HJV: variants seen among roughly 807,000 people sequenced by gnomAD.
HJV encodes hemojuvelin BMP co-receptor.
Under a neutral mutation model 22.7 loss-of-function variants are expected in HJV, and 18 were observed. The ratio of observed to expected loss-of-function variants is 0.79; its 90% CI spans 0.55 to 1.18. The LOEUF (loss-of-function observed/expected upper bound fraction) is 1.18. HJV is among the 50% of genes most tolerant of loss of function. The probability of loss-of-function intolerance (pLI) is 0.00; values close to 1 mark genes in which losing one functional copy is unlikely to be tolerated. For missense variants in HJV, 572 were observed against 553.0 expected, an observed-to-expected ratio of 1.03 and a Z score of -0.34; for synonymous variants, 229 against 222.7, an observed-to-expected ratio of 1.03 and a Z score of -0.25.
intron 2 of HJV, 120 bp from the exon 3 acceptor site, chr1:146,019,854 T>C: frequency 6.6e-7 from 1 of 1,511,966 alleles, no homozygotes; most frequent in South Asian, 1.2e-5. Context: ...AAAACCTAAC[T>C]AAGGGCCTTC....
At chr1:146,020,436 A>G (rs1214197072) in intron 1 of HJV, 116 bp from the exon 2 acceptor site, 1 of 546,716 alleles carries the variant, frequency 1.8e-6, no homozygotes, top group Non-Finnish European at 3.3e-6. Flanking sequence ...GAATTTGGGG[A>G]GATTGGAGTT....
intron 2 of HJV, 121 bp downstream of exon 2, chr1:146,020,014 A>G: frequency 1.2e-6 from 1 of 844,708 alleles, no homozygotes; most frequent in East Asian, 2.5e-5. Context: ...ATTTGAGAGC[A>G]GGGCGAGTGA....
rs782682125 is a variant in HJV at position 146,018,346 on chromosome 1, T to C, written c.1012A>G (p.Ile338Val). The change falls in exon 4 of 4, where the codon ATA (isoleucine) becomes GTA (valine). Residue 338 changes from isoleucine to valine, a missense_variant. By Grantham distance (29) the Ile-to-Val change is conservative. Transcript: ENST00000336751. The part of the protein sequence containing the change: ...SRSERNRRGA[I>V]TIDTARRLCK... The stretch of plus-strand genomic sequence containing the variant: ...AGCCGTCTGGCAGTATCAATGGTTA[T>C]AGCTCCCCGACGATTGCGCTCTGAT... 6.2e-7 allele frequency: 1 copy of C among 1,614,206 alleles called. No homozygotes were observed. Among genetic ancestry groups the C allele is most frequent in the Non-Finnish European group, 8.5e-7 (1 of 1,180,028 alleles).
rs1271941353 is a variant in HJV, at chr1:146,020,444, G to A, written c.-89-124C>T. The A allele has an allele frequency of 1.9e-5, 10 of 532,728 alleles. No homozygotes were observed. In the Admixed American group the frequency reaches 2.6e-4, roughly 14 times the overall value. 33.0% of individuals were successfully genotyped at this position (532,728 alleles called of 1,614,324 possible). ...CAGACTGGAATTTGGGGAGATTGGA[G>A]TTCCTCAAACTATAAGTGTGGCAGT... On this transcript the variant is annotated intron_variant, in intron 1 of 3. Transcript: ENST00000336751.
In HJV at chr1:146,019,250, C is replaced by T; in HGVS notation, c.582G>A (p.Leu194=). 1 of 1,614,036 alleles carries T rather than the reference C, an allele frequency of 6.2e-7. No individual in the cohort carries two copies. Among genetic ancestry groups the T allele is most frequent in the Non-Finnish European group, 8.5e-7 (1 of 1,180,040 alleles). ...TCRVQGAWPL[L]DNDFLFVQAT... ...CTTGGACAAAGAGGAAGTCATTATC[C>T]AGTAGAGGCCAAGCTCCTTGGACAC... Residue 194 remains leucine, a synonymous_variant, in exon 3 of 4, where the codon CTG becomes CTA. Coordinates refer to ENST00000336751, the MANE Select transcript of HJV (RefSeq NM_213653.4).
At position 146,019,710 on chromosome 1, in the gene HJV, C is replaced by A. The variant is rs781785800; in HGVS notation, c.122G>T (p.Arg41Leu). The change falls in exon 3 of 4, where the codon CGC becomes CTC. Residue 41 changes from arginine (R) to leucine (L), a missense_variant. By Grantham distance (102) the Arg-to-Leu change is moderately radical. Transcript: ENST00000336751. ...GHAHSQCKIL[R>L]CNAEYVSSTL... ...GGACGATACGTACTCAGCATTGCAG[C>A]GGAGGATCTTGCATTGAGAATGAGC... 1.2e-6 allele frequency: 2 copies of A among 1,613,918 alleles called. No homozygotes were observed. Among genetic ancestry groups the A allele is most frequent in the African/African-American group, 1.3e-5 (1 of 74,892 alleles).
In HJV at chr1:146,018,305, A is replaced by G; in HGVS notation, c.1053T>C (p.Leu351=). The G allele has an allele frequency of 6.2e-7, 1 of 1,614,210 alleles. No homozygotes were observed. Among genetic ancestry groups the G allele is most frequent in the Non-Finnish European group, 8.5e-7 (1 of 1,180,038 alleles). The change falls in exon 4 of 4, where the codon CTT becomes CTC. Residue 351 remains leucine, a synonymous_variant. Transcript: ENST00000336751. The part of the protein sequence containing the change: ...DTARRLCKEG[L]PVEDAYFHSC... Reference sequence around the variant, plus strand: ...AATGGAAGTAAGCATCTTCCACTGGAAGCCCTTCCTTGCACAGCCGTCTGG... The same window carrying G: ...AATGGAAGTAAGCATCTTCCACTGGGAGCCCTTCCTTGCACAGCCGTCTGG...
At position 146,019,577 on chromosome 1, in the gene HJV, G is replaced by A; in HGVS notation, c.255C>T (p.Ser85=). ...GSGGLCRALR[S]YALCTRRTAR... is the part of the protein sequence containing the mutation. ...CGGTGCGCCGAGTGCAGAGCGCATA[G>A]GAGCGGAGGGCTCGACAGAGGCCGC... Residue 85 remains serine, a synonymous_variant, in exon 3 of 4, where the codon TCC becomes TCT. Coordinates refer to ENST00000336751, the MANE Select transcript of HJV (RefSeq NM_213653.4). 1.9e-6 allele frequency: 3 copies of A among 1,613,558 alleles called. No individual in the cohort carries two copies. Among genetic ancestry groups the A allele is most frequent in the Non-Finnish European group, 2.5e-6 (3 of 1,180,016 alleles).
chr1:146,017,837 A>G lies in HJV; in HGVS notation c.*240T>C. The G allele has an allele frequency of 3.6e-6, 2 of 551,052 alleles. No homozygotes were observed. Among genetic ancestry groups the G allele is most frequent in the Non-Finnish European group, 6.7e-6 (2 of 300,210 alleles). 34.1% of individuals were successfully genotyped at this position (551,052 alleles called of 1,614,324 possible). A position where few individuals can be genotyped will look rare whatever the true frequency, so the allele number is the denominator to read the frequency against. On this transcript the variant is annotated 3_prime_UTR_variant, in exon 4 of 4. Transcript: ENST00000336751. ...AATGGATTAGAACAATTTGTTTACT[A>G]TAAATGAGGCTGGAAAAATTGGTGA...
intron 1 of HJV, among the ~76,000 whole-genome samples, chr1:146,020,964 T>G (rs1282249951): frequency 1.3e-5 from 2 of 152,234 alleles, no homozygotes; most frequent in Non-Finnish European, 2.9e-5. Flanking sequence ...AGTCAACAGT[T>G]CTTGTATTTT....
rs782614415 is a variant in HJV, at chr1:146,018,372, C to A, written c.986G>T (p.Arg329Leu). Residue 329 changes from arginine to leucine, a missense_variant, in exon 4 of 4, where the codon CGA becomes CTA. Arg to Leu is a moderately radical substitution (Grantham distance 102). Transcript: ENST00000336751. ...GGCPPSQRLSRSERNRRGAIT... is the reference protein window; with the variant it reads ...GGCPPSQRLSLSERNRRGAIT... ...AGCTCCCCGACGATTGCGCTCTGAT[C>A]GAGAGAGTCGCTGACTTGGAGGGCA... 13 of 1,614,002 alleles carry A rather than the reference C, an allele frequency of 8.1e-6. No homozygotes were observed. Among genetic ancestry groups the A allele is most frequent in the African/African-American group, 8.0e-5 (6 of 74,894 alleles).
chr1:146,020,714 T>C (rs1283510008), intron 1 of HJV, among the ~76,000 whole-genome samples: 1 of 152,180 alleles, frequency 6.6e-6, no homozygotes, highest in Non-Finnish European at 1.5e-5. Context: ...ATACTTCTTA[T>C]TTGTCCCTCT....
At position 146,019,794 on chromosome 1, in the gene HJV, T is replaced by C. The variant is rs1652603791; in HGVS notation, c.98-60A>G. 3.1e-6 allele frequency: 5 copies of C among 1,613,148 alleles called. No homozygotes were observed. In the Admixed American group the frequency reaches 8.3e-5, roughly 27 times the overall value. ...CTCAGACCTCTGCTCTATCGGAGTG[T>C]AGTTTGCTCATAACTCTTCCAAATC... On this transcript the variant is annotated intron_variant, in intron 2 of 3. Coordinates refer to ENST00000336751, the MANE Select transcript of HJV (RefSeq NM_213653.4).
intron 1 of HJV, among the ~76,000 whole-genome samples, chr1:146,020,965 C>G (rs1210381865): frequency 2.0e-5 from 3 of 152,172 alleles, no homozygotes; most frequent in African/African-American, 7.2e-5. Flanking sequence ...GTCAACAGTT[C>G]TTGTATTTTC....
chr1:146,019,107 G>C, intron 3 of HJV, 68 bp downstream of exon 3: 1 of 1,268,480 alleles, frequency 7.9e-7, no homozygotes, highest in South Asian at 1.2e-5. Flanking sequence ...GAATAGTGGG[G>C]ATGGGGAGGA....
chr1:146,018,185 T>C lies in HJV; in HGVS notation c.1173A>G (p.Leu391=). 1 of 1,614,106 alleles carries C rather than the reference T, an allele frequency of 6.2e-7. No homozygotes were observed. The highest frequency in any genetic ancestry group is 8.5e-7 in the Non-Finnish European group (1 of 1,180,000). Residue 391 remains leucine, a synonymous_variant, in exon 4 of 4, where the codon TTA becomes TTG. Transcript: ENST00000336751. ...LEDARAFLPD[L]EKLHLFPSDA... The stretch of plus-strand genomic sequence containing the variant: ...CTGAGGGGAAGAGATGCAGCTTCTC[T>C]AAGTCTGGCAGGAAGGCTCGGGCAT...
Position 146,019,506 on chromosome 1 carries a change from C to T in HJV, c.326G>A (p.Gly109Asp). Residue 109 changes from glycine to aspartate, a missense_variant, in exon 3 of 4, where the codon GGC (glycine) becomes GAC (aspartate). By Grantham distance (94) the Gly-to-Asp change is moderately conservative (BLOSUM62 -1). Coordinates refer to ENST00000336751, the MANE Select transcript of HJV (RefSeq NM_213653.4). ...GDLAFHSAVHGIEDLMIQHNC... is the reference protein window; with the variant it reads ...GDLAFHSAVHDIEDLMIQHNC... ...GTGCTGGATCATCAGGTCTTCGATG[C>T]CATGTACCGCCGAATGGAAGGCGAG... The T allele has an allele frequency of 1.2e-6, 2 of 1,612,852 alleles. No individual in the cohort carries two copies. Among genetic ancestry groups the T allele is most frequent in the Non-Finnish European group, 1.7e-6 (2 of 1,179,906 alleles).
rs781843312 is a variant in HJV, at chr1:146,018,334, T to C, written c.1024A>G (p.Thr342Ala). ...RNRRGAITID[T>A]ARRLCKEGLP... ...CCTTCCTTGCACAGCCGTCTGGCAGTATCAATGGTTATAGCTCCCCGACGA... is the reference window on the plus strand; with the variant it reads ...CCTTCCTTGCACAGCCGTCTGGCAGCATCAATGGTTATAGCTCCCCGACGA... The change falls in exon 4 of 4, where the codon ACT (threonine) becomes GCT (alanine). Residue 342 changes from threonine (T) to alanine (A), a missense_variant. Thr to Ala is a moderately conservative substitution (Grantham distance 58, BLOSUM62 0). Transcript: ENST00000336751. 6.2e-7 allele frequency: 1 copy of C among 1,614,200 alleles called. No individual in the cohort carries two copies. The highest frequency in any genetic ancestry group is 1.7e-5 in the Admixed American group (1 of 60,022).
At chr1:146,021,163 G>T (rs1652710281) in intron 1 of HJV, among the ~76,000 whole-genome samples, 1 of 152,170 alleles carries the variant, frequency 6.6e-6, no homozygotes, top group Non-Finnish European at 1.5e-5. Flanking sequence ...GTTGTGGGGA[G>T]AAATCATTTA....
Sources: allele counts gnomAD v4.1 joint callset (sites outside exome capture counted in the v4.1 genomes callset), GRCh38; gene constraint gnomAD v4.1.1; transcripts MANE v1.5; gene names NCBI Gene and HGNC (gene_info 2026-07-23, HGNC 2026-07-21).